TAFA1: variants seen among roughly 807,000 people sequenced by gnomAD.
TAFA1 encodes the protein TAFA chemokine like family member 1.
A neutral mutation model predicts 18.5 loss-of-function variants in TAFA1; 4 were observed. The ratio of observed to expected loss-of-function variants is 0.22; its 90% CI spans 0.11 to 0.49. The LOEUF is 0.49. Among genes scored for constraint, TAFA1 ranks in the 20% least tolerant of loss-of-function variants. The pLI is 0.98. For missense variants in TAFA1, 147 were observed against 169.0 expected, an observed-to-expected ratio of 0.87 and a Z score of 0.72; for synonymous variants, 56 against 55.2, an observed-to-expected ratio of 1.01 and a Z score of -0.06.
At chr3:68,237,310 C>A (rs1267859764) in intron 2 of TAFA1, among the ~76,000 whole-genome samples, 2 of 152,158 alleles carry the variant, frequency 1.3e-5, no homozygotes, top group Non-Finnish European at 2.9e-5. Flanking sequence ...TTTGTGAGGG[C>A]AGAGCTCTCA....
chr3:68,217,431 G>A (rs1445508413), intron 2 of TAFA1, among the ~76,000 whole-genome samples: 1 of 151,940 alleles, frequency 6.6e-6, no homozygotes, highest in Non-Finnish European at 1.5e-5. Flanking sequence ...GAAAAAGTTT[G>A]AGAAACTGTC....
chr3:68,418,432 C>T (rs148064821), intron 3 of TAFA1, among the ~76,000 whole-genome samples: 2,293 of 54,654 alleles, frequency 0.042, 71 homozygotes, highest in African/African-American at 0.11. Context: ...AGGGAAGGAC[C>T]GGCCATTTTC....
At chr3:68,438,955 C>G (rs2071315182) in intron 3 of TAFA1, among the ~76,000 whole-genome samples, 3 of 152,094 alleles carry the variant, frequency 2.0e-5, no homozygotes, top group Admixed American at 2.0e-4. Flanking sequence ...AGGCCTGTCC[C>G]CTGAAATCAT....
intron 2 of TAFA1, among the ~76,000 whole-genome samples, chr3:68,112,625 C>T (rs1702869043): frequency 6.6e-6 from 1 of 151,494 alleles, no homozygotes; most frequent in Non-Finnish European, 1.5e-5. Flanking sequence ...ATCCTTGGCC[C>T]TAGATAGTTC....
At chr3:68,436,833 T>C (rs897855887) in intron 3 of TAFA1, among the ~76,000 whole-genome samples, 4 of 152,180 alleles carry the variant, frequency 2.6e-5, no homozygotes, top group Non-Finnish European at 4.4e-5. Flanking sequence ...GGAAGGCAGA[T>C]GCCTTTCCTG....
intron 3 of TAFA1, among the ~76,000 whole-genome samples, chr3:68,515,016 A>G (rs2072900869): frequency 6.6e-6 from 1 of 152,188 alleles, no homozygotes; most frequent in Non-Finnish European, 1.5e-5. Context: ...ACAGAGGTCC[A>G]TGGTGTTCAG....
intron 2 of TAFA1, among the ~76,000 whole-genome samples, chr3:68,385,742 T>C (rs921843260): frequency 5.9e-5 from 9 of 152,180 alleles, no homozygotes; most frequent in Admixed American, 5.9e-4. Context: ...TTAAGTAGTT[T>C]CCTACTGGAA....
intron 2 of TAFA1, among the ~76,000 whole-genome samples, chr3:68,416,992 G>A (rs2070851033): frequency 6.6e-6 from 1 of 152,044 alleles, no homozygotes; most frequent in Admixed American, 6.6e-5. Flanking sequence ...ATCTTTATTG[G>A]GTGTGTTAGT....
chr3:68,475,993 T>A (rs2072087973), intron 3 of TAFA1, among the ~76,000 whole-genome samples: 2 of 152,218 alleles, frequency 1.3e-5, no homozygotes, highest in Non-Finnish European at 1.5e-5. Flanking sequence ...CTTCGCCCAC[T>A]TTTTGATGGG....
chr3:68,489,435 T>A (rs1270212616), intron 3 of TAFA1, among the ~76,000 whole-genome samples: 1 of 152,208 alleles, frequency 6.6e-6, no homozygotes, highest in Non-Finnish European at 1.5e-5. Context: ...TTAAGCACTG[T>A]GATGACCAAA....
chr3:68,141,947 T>C (rs1406315921), intron 2 of TAFA1, among the ~76,000 whole-genome samples: 10 of 152,208 alleles, frequency 6.6e-5, no homozygotes, highest in Non-Finnish European at 1.2e-4. Context: ...TAAGATGTTC[T>C]CCCTCCCAGG....
At chr3:68,051,173 C>T (rs1271485619) in intron 2 of TAFA1, among the ~76,000 whole-genome samples, 1 of 152,028 alleles carries the variant, frequency 6.6e-6, no homozygotes, top group Admixed American at 6.6e-5. Context: ...ACTGCATAGG[C>T]TAATCCATAT....
At chr3:68,446,461 C>A (rs1465562852) in intron 3 of TAFA1, among the ~76,000 whole-genome samples, 1 of 152,116 alleles carries the variant, frequency 6.6e-6, no homozygotes, top group Admixed American at 6.6e-5. Flanking sequence ...CACATAAATT[C>A]CCTTCAATAC....
At chr3:68,330,620 C>A (rs1315419227) in intron 2 of TAFA1, among the ~76,000 whole-genome samples, 6 of 152,172 alleles carry the variant, frequency 3.9e-5, no homozygotes, top group Non-Finnish European at 7.3e-5. Flanking sequence ...TCACAATTTA[C>A]AAGGGAAGAA....
At chr3:68,190,450 A>C (rs2066323220) in intron 2 of TAFA1, among the ~76,000 whole-genome samples, 1 of 151,916 alleles carries the variant, frequency 6.6e-6, no homozygotes, top group African/African-American at 2.4e-5. Context: ...AAAATATTGA[A>C]GTAGGAAAAG....
chr3:68,209,311 T>G (rs2066565572), intron 2 of TAFA1, among the ~76,000 whole-genome samples: 2 of 151,978 alleles, frequency 1.3e-5, no homozygotes, highest in East Asian at 3.9e-4. Flanking sequence ...AGCCACTAGA[T>G]CTGTGGTGAT....
At chr3:68,439,029 T>G (rs1329135145) in intron 3 of TAFA1, among the ~76,000 whole-genome samples, 1 of 152,064 alleles carries the variant, frequency 6.6e-6, no homozygotes, top group Non-Finnish European at 1.5e-5. Flanking sequence ...ATAAAATGCC[T>G]TTGGGATCTT....
chr3:68,323,253 T>G (rs1030610092), intron 2 of TAFA1, among the ~76,000 whole-genome samples: 4 of 152,102 alleles, frequency 2.6e-5, no homozygotes, highest in Admixed American at 2.0e-4. Flanking sequence ...TGAATCAGGA[T>G]TTATGCAGCC....
intron 2 of TAFA1, among the ~76,000 whole-genome samples, chr3:68,368,107 A>G (rs1483218721): frequency 6.6e-6 from 1 of 152,196 alleles, no homozygotes; most frequent in African/African-American, 2.4e-5. Flanking sequence ...CTGCCAGTTA[A>G]TTGCCTGAAA....
Sources: gnomAD v4.1 joint callset for allele counts (sites outside exome capture counted in the v4.1 genomes callset) on GRCh38, gnomAD v4.1.1 for gene constraint, MANE v1.5 for transcripts, NCBI Gene and HGNC (gene_info 2026-07-23, HGNC 2026-07-21) for gene names.